Variants in RNF20 observed in about 807,000 individuals in gnomAD.
The protein encoded by RNF20 is ring finger protein 20.
In RNF20, 84 loss-of-function variants were observed where a neutral mutation model predicts 126.2. The observed-to-expected ratio is 0.67, with a 90% confidence interval of 0.56 to 0.80. RNF20 has a LOEUF of 0.80. RNF20 is among the 30% of genes least tolerant of loss of function. RNF20 has a pLI of 0.00. For missense variants in RNF20, 869 were observed against 1,188.2 expected (o/e 0.73, Z 3.95); for synonymous variants, 400 against 414.3 (o/e 0.97, Z 0.42).
Position 101,562,508 on chromosome 9 carries a change from C to A in RNF20, c.*86C>A. ...CTCTACCTCTTCTCTCCTTGACTGT[C>A]ACCTGTAGGACAGTTTATCAGTCAA... is the stretch of plus-strand genomic sequence containing the variant. On this transcript the variant is annotated 3_prime_UTR_variant, in exon 20 of 20. Coordinates refer to ENST00000389120, the MANE Select transcript of RNF20 (RefSeq NM_019592.7). 2 of 1,304,430 alleles carry A rather than the reference C, an allele frequency of 1.5e-6. No individual in the cohort carries two copies. The highest frequency in any genetic ancestry group is 1.5e-5 in the African/African-American group (1 of 68,228). 80.8% of individuals were successfully genotyped at this position (1,304,430 alleles called of 1,614,324 possible).
rs544078590 is a variant in RNF20 at position 101,543,266 on chromosome 9, A to C, written c.629-1501A>C. 6.8e-4 allele frequency among the ~76,000 whole-genome samples: 103 copies of C among 152,356 alleles called. 1 individual carries two copies. The highest frequency in any genetic ancestry group is 2.2e-3 in the African/African-American group (90 of 41,588). On this transcript the variant is annotated intron_variant, in intron 5 of 19. Transcript: ENST00000389120. Reference sequence around the variant, plus strand: ...TAACCCTGCCAGAGCGGCACTGTCTAACCTGCCACGGCAGTACTGTCTAAC... The same window carrying C: ...TAACCCTGCCAGAGCGGCACTGTCTCACCTGCCACGGCAGTACTGTCTAAC...
At chr9:101,537,170 G>A (rs1827197757) in intron 2 of RNF20, among the ~76,000 whole-genome samples, 1 of 152,222 alleles carries the variant, frequency 6.6e-6, no homozygotes, top group Non-Finnish European at 1.5e-5. Context: ...CTGGCAGGCT[G>A]ACAGGACTTA....
chr9:101,536,743 A>G (rs1269041266), intron 2 of RNF20, among the ~76,000 whole-genome samples: 1 of 152,172 alleles, frequency 6.6e-6, no homozygotes, highest in African/African-American at 2.4e-5. Flanking sequence ...AGGGATAAGC[A>G]CATACTTATG....
At chr9:101,552,067 T>G in intron 11 of RNF20, 74 bp from the exon 12 acceptor site, 1 of 1,577,658 alleles carries the variant, frequency 6.3e-7, no homozygotes, top group Non-Finnish European at 8.7e-7. Flanking sequence ...CCTCCTGATG[T>G]GTTCTGTTCT....
rs755745298 is a variant in RNF20, at chr9:101,550,681, G to A, written c.1168G>A (p.Val390Ile). Residue 390 changes from valine to isoleucine, a missense_variant, in exon 10 of 20, where the codon GTC becomes ATC. Val to Ile is a conservative substitution (Grantham distance 29). Coordinates refer to ENST00000389120, the MANE Select transcript of RNF20 (RefSeq NM_019592.7). ...EYRCMQSQFSVLYNESLQLKA... is the reference protein window; with the variant it reads ...EYRCMQSQFSILYNESLQLKA... ...TCGCTGCATGCAGTCACAGTTCTCC[G>A]TCTTGTATAATGAGAGCCTACAGTT... 8 of 1,613,982 alleles carry A rather than the reference G, an allele frequency of 5.0e-6. No individual in the cohort carries two copies. Among genetic ancestry groups the A allele is most frequent in the Non-Finnish European group, 5.9e-6 (7 of 1,179,974 alleles).
rs1247744430 is a variant in RNF20, at chr9:101,563,304, T to C, written c.*882T>C. ...TCTGTGGAATGTTTCTGTAGGACTTTGTTCTCCACAAGCTTGAATTAAAGC... is the reference window on the plus strand; with the variant it reads ...TCTGTGGAATGTTTCTGTAGGACTTCGTTCTCCACAAGCTTGAATTAAAGC... On this transcript the variant is annotated 3_prime_UTR_variant, in exon 20 of 20. Transcript: ENST00000389120. 2 of 152,672 alleles carry C rather than the reference T, an allele frequency of 1.3e-5. No homozygotes were observed. The highest frequency in any genetic ancestry group is 4.8e-5 in the African/African-American group (2 of 41,468). The allele number at this position is 152,672 out of a possible 1,614,324, so 9.5% of individuals were successfully genotyped here.
In RNF20 at chr9:101,561,157, A is replaced by G. The variant is rs1379488742; in HGVS notation, c.2576A>G (p.His859Arg). 5 of 1,613,850 alleles carry G rather than the reference A, an allele frequency of 3.1e-6. No homozygotes were observed. Among genetic ancestry groups the G allele is most frequent in the Middle Eastern group, 1.6e-4 (1 of 6,084 alleles). Residue 859 changes from histidine (H) to arginine (R), a missense_variant, in exon 18 of 20, where the codon CAT becomes CGT. Physicochemically the swap from His to Arg is conservative, Grantham distance 29 (BLOSUM62 0). Around this residue, in one of 8 missense-constraint regions of RNF20, gnomAD observed 150 missense variants for 173.7 expected, o/e 0.86. Transcript: ENST00000389120. ...CTGGAGTTGGCTCAGAAGAAGCTACATGATTTTCAGGATGAGATCGTGGAG... is the reference window on the plus strand; with the variant it reads ...CTGGAGTTGGCTCAGAAGAAGCTACGTGATTTTCAGGATGAGATCGTGGAG... ...AQLELAQKKL[H>R]DFQDEIVENS... is the part of the protein sequence containing the mutation.
chr9:101,561,856 C>A, intron 18 of RNF20, 54 bp from the exon 19 acceptor site: 2 of 1,226,540 alleles, frequency 1.6e-6, no homozygotes, highest in South Asian at 2.4e-5. Context: ...TTATTTTTCT[C>A]AAAAATGATA....
chr9:101,552,532 C>G lies in RNF20; in HGVS notation c.1680C>G (p.Ile560Met). 1 of 1,613,736 alleles carries G rather than the reference C, an allele frequency of 6.2e-7. No individual in the cohort carries two copies. The change falls in exon 13 of 20, where the codon ATC becomes ATG. Residue 560 changes from isoleucine (I) to methionine (M), a missense_variant. Around this residue, in one of 8 missense-constraint regions of RNF20, gnomAD observed 231 missense variants for 263.6 expected, o/e 0.88. Coordinates refer to ENST00000389120, the MANE Select transcript of RNF20 (RefSeq NM_019592.7). ...CATCTCAGGAGGATGCCAATGAAAT[C>G]AAGTCTAAACGGGATGAAGAAGAAC... ...SKASQEDANE[I>M]KSKRDEEERE... is the part of the protein sequence containing the mutation.
At chr9:101,545,788 T>C (rs1827336712) in intron 6 of RNF20, among the ~76,000 whole-genome samples, 2 of 152,230 alleles carry the variant, frequency 1.3e-5, no homozygotes, top group African/African-American at 4.8e-5. Context: ...GCTACCAAGA[T>C]GGAGAGGTCT....
chr9:101,552,439 G>T lies in RNF20; in HGVS notation c.1587G>T (p.Pro529=). 1 of 1,611,816 alleles carries T rather than the reference G, an allele frequency of 6.2e-7. No homozygotes were observed. Among genetic ancestry groups the T allele is most frequent in the Non-Finnish European group, 8.5e-7 (1 of 1,178,114 alleles). Reference sequence around the variant, plus strand: ...AGTCCCAGTCTAGTACTGAGGACCCGAAGGATGAGCCTGCGGAGCTAAAAC... The same window carrying T: ...AGTCCCAGTCTAGTACTGAGGACCCTAAGGATGAGCCTGCGGAGCTAAAAC... The part of the protein sequence containing the change: ...LLQSQSSTED[P]KDEPAELKPD... The change falls in exon 13 of 20, where the codon CCG becomes CCT. Residue 529 remains proline, a synonymous_variant. Coordinates refer to ENST00000389120, the MANE Select transcript of RNF20 (RefSeq NM_019592.7).
chr9:101,543,175 T>C (rs1465321429), intron 5 of RNF20, among the ~76,000 whole-genome samples: 2 of 152,220 alleles, frequency 1.3e-5, no homozygotes, highest in East Asian at 3.8e-4. Context: ...TGATAGGCCT[T>C]CTAGAGTAAG....
chr9:101,559,538 G>A (rs1039565352), intron 16 of RNF20, among the ~76,000 whole-genome samples: 1 of 152,164 alleles, frequency 6.6e-6, no homozygotes, highest in African/African-American at 2.4e-5. Flanking sequence ...AGCATGGGAT[G>A]TGTTTCCATT....
intron 2 of RNF20, among the ~76,000 whole-genome samples, chr9:101,536,075 G>A (rs1827178551): frequency 6.6e-6 from 1 of 152,162 alleles, no homozygotes; most frequent in Non-Finnish European, 1.5e-5. Context: ...AAGAGTCCCT[G>A]TTAAGGGCTA....
In RNF20 at chr9:101,550,790, T is replaced by TA; in HGVS notation, c.1272+6dup. On this transcript the variant is annotated splice_donor_region_variant and intron_variant, in intron 10 of 19. Transcript: ENST00000389120. Reference sequence around the variant, plus strand: ...CACCAGGTTGAGCTTATTGAGGTAATAGCCTTGCCTTGTCTTTTGTATGTA... The same window carrying TA: ...CACCAGGTTGAGCTTATTGAGGTAATAAGCCTTGCCTTGTCTTTTGTATGTA... 6.2e-7 allele frequency: 1 copy of TA among 1,613,750 alleles called. No individual in the cohort carries two copies. Among genetic ancestry groups the TA allele is most frequent in the Non-Finnish European group, 8.5e-7 (1 of 1,179,620 alleles).
chr9:101,559,228 G>T (rs1243460200), intron 16 of RNF20, among the ~76,000 whole-genome samples: 1 of 151,914 alleles, frequency 6.6e-6, no homozygotes, highest in Admixed American at 6.6e-5. Flanking sequence ...TTTATTTCTG[G>T]GTTCTCTATT....
At chr9:101,546,002 A>T (rs1482814032) in intron 6 of RNF20, among the ~76,000 whole-genome samples, 1 of 152,062 alleles carries the variant, frequency 6.6e-6, no homozygotes, top group Non-Finnish European at 1.5e-5. Context: ...ATGTTGGCTG[A>T]CTTCTTCCAG....
intron 15 of RNF20, among the ~76,000 whole-genome samples, chr9:101,555,754 C>G (rs900544378): frequency 1.3e-5 from 2 of 150,556 alleles, no homozygotes; most frequent in African/African-American, 2.4e-5. Flanking sequence ...GAGTTCAAGA[C>G]CAGCCTGACC....
At chr9:101,556,631 T>C (rs555324516) in intron 15 of RNF20, among the ~76,000 whole-genome samples, 1 of 152,274 alleles carries the variant, frequency 6.6e-6, no homozygotes, top group East Asian at 1.9e-4. Context: ...TGGAGACCTT[T>C]CTATGAATAA....
Sources: gnomAD v4.1 joint callset for allele counts (sites outside exome capture counted in the v4.1 genomes callset) on GRCh38, gnomAD v4.1.1 for gene constraint, gnomAD v4.1.1 regional missense constraint, MANE v1.5 for transcripts, NCBI Gene and HGNC (gene_info 2026-07-23, HGNC 2026-07-21) for gene names.